Variants in ZNF277 observed in about 807,000 individuals in gnomAD.
ZNF277 encodes zinc finger protein 277, also known as nuclear receptor-interacting factor 4.
ZNF277 carries 55 observed loss-of-function variants against 60.7 expected under a neutral mutation model. The ratio of observed to expected loss-of-function variants is 0.91; its 90% CI spans 0.73 to 1.13. ZNF277 has a LOEUF of 1.13. ZNF277 is among the 50% of genes most tolerant of loss of function. The pLI, the probability that ZNF277 is intolerant of heterozygous loss-of-function variation, is 0.00. For missense variants in ZNF277, 510 were observed against 523.0 expected (o/e 0.98, Z 0.24); for synonymous variants, 178 against 179.3 (o/e 0.99, Z 0.06).
intron 4 of ZNF277, among the ~76,000 whole-genome samples, chr7:112,303,321 T>C (rs1249087268): frequency 2.6e-5 from 4 of 152,128 alleles, no homozygotes; most frequent in Non-Finnish European, 5.9e-5. Flanking sequence ...TAAATATGTA[T>C]GTAAATAAAT....
At chr7:112,336,262 T>A in intron 8 of ZNF277, 91 bp downstream of exon 8, 2 of 1,207,990 alleles carry the variant, frequency 1.7e-6, no homozygotes, top group South Asian at 1.6e-5. Context: ...AGCGGGAACA[T>A]AAGAAGAAAA....
intron 1 of ZNF277, among the ~76,000 whole-genome samples, chr7:112,211,631 T>C (rs901405618): frequency 3.3e-5 from 5 of 152,244 alleles, no homozygotes; most frequent in Admixed American, 3.3e-4. Context: ...AAAACAAATA[T>C]ATTCATGGAT....
chr7:112,261,630 A>T (rs563509478), intron 1 of ZNF277, among the ~76,000 whole-genome samples: 53 of 152,248 alleles, frequency 3.5e-4, no homozygotes, highest in Admixed American at 7.9e-4. Flanking sequence ...ACACCACATA[A>T]CATTTCACCC....
intron 6 of ZNF277, among the ~76,000 whole-genome samples, chr7:112,329,460 GCTA>G (rs1413593415): frequency 2.6e-5 from 4 of 152,140 alleles, no homozygotes; most frequent in African/African-American, 4.8e-5. Flanking sequence ...GGTAGTAACA[GCTA>G]CTATTTATCT....
At chr7:112,300,775 C>G (rs1380734664) in intron 4 of ZNF277, among the ~76,000 whole-genome samples, 1 of 152,116 alleles carries the variant, frequency 6.6e-6, no homozygotes, top group Non-Finnish European at 1.5e-5. Context: ...TTTGCCTGTT[C>G]TCCTTTTATT....
chr7:112,330,390 A>C, intron 7 of ZNF277, 174 bp downstream of exon 7: 1 of 640,364 alleles, frequency 1.6e-6, no homozygotes, highest in South Asian at 2.0e-5. Context: ...ATTTGATTTG[A>C]CTTGTCTTTT....
At chr7:112,236,547 ATGTCCTCATTAGTTAGTATTAAT>A (rs1362225319) in intron 1 of ZNF277, among the ~76,000 whole-genome samples, 1 of 152,096 alleles carries the variant, frequency 6.6e-6, no homozygotes, top group African/African-American at 2.4e-5. Context: ...GAGAGAAAAA[ATGTCCTCATTAGTTAGTATTAAT>A]GAAACACCCA....
intron 3 of ZNF277, 41 bp downstream of exon 3, chr7:112,295,998 A>G (rs775868394): frequency 4.9e-6 from 7 of 1,426,324 alleles, no homozygotes; most frequent in Non-Finnish European, 6.9e-6. Flanking sequence ...CCTACAGTAT[A>G]AAAATTCAAA....
At chr7:112,213,559 T>C (rs1450931046) in intron 1 of ZNF277, among the ~76,000 whole-genome samples, 1 of 152,228 alleles carries the variant, frequency 6.6e-6, no homozygotes, top group Non-Finnish European at 1.5e-5. Context: ...CTTTTATAGG[T>C]ATTATCTCAT....
chr7:112,214,747 A>C (rs894660121), intron 1 of ZNF277, among the ~76,000 whole-genome samples: 4 of 152,136 alleles, frequency 2.6e-5, no homozygotes, highest in Non-Finnish European at 5.9e-5. Flanking sequence ...AAAATATTTA[A>C]AATTTTATAG....
chr7:112,313,387 G>A (rs10224789), intron 4 of ZNF277, among the ~76,000 whole-genome samples: 15,118 of 151,234 alleles, frequency 0.1, 1,223 homozygotes, highest in African/African-American at 0.21. Context: ...TCAAGCGATC[G>A]TCCCACCTCA....
chr7:112,341,533 C>T (rs62473149), intron 11 of ZNF277, among the ~76,000 whole-genome samples: 1 of 150,024 alleles, frequency 6.7e-6, no homozygotes, highest in Non-Finnish European at 1.5e-5. Context: ...AAGCTGAACT[C>T]CTAGAAATAA....
At chr7:112,247,950 A>G (rs1276338538) in intron 1 of ZNF277, among the ~76,000 whole-genome samples, 1 of 135,762 alleles carries the variant, frequency 7.4e-6, no homozygotes, top group East Asian at 2.2e-4. Context: ...CCTGGGCAAC[A>G]AGATGAAACT....
At chr7:112,304,747 G>A (rs2117090676) in intron 4 of ZNF277, among the ~76,000 whole-genome samples, 1 of 152,244 alleles carries the variant, frequency 6.6e-6, no homozygotes, top group Non-Finnish European at 1.5e-5. Context: ...ATGGCAGACA[G>A]AACAAGAGGA....
chr7:112,250,225 G>A (rs1481960901), intron 1 of ZNF277, among the ~76,000 whole-genome samples: 1 of 152,040 alleles, frequency 6.6e-6, no homozygotes, highest in Admixed American at 6.6e-5. Flanking sequence ...CTCCCATAGC[G>A]CTCCCAGGCT....
At chr7:112,251,738 G>C (rs1199279694) in intron 1 of ZNF277, among the ~76,000 whole-genome samples, 1 of 152,190 alleles carries the variant, frequency 6.6e-6, no homozygotes, top group Non-Finnish European at 1.5e-5. Context: ...TCAGATGAAA[G>C]AGTGATTAGG....
At chr7:112,336,979 T>C (rs1032214558) in intron 8 of ZNF277, among the ~76,000 whole-genome samples, 23 of 152,154 alleles carry the variant, frequency 1.5e-4, no homozygotes, top group Admixed American at 1.2e-3. Flanking sequence ...TGTTTTCTAA[T>C]AGGGAAGCTT....
At chr7:112,222,758 ATTGAAGGATACAAAG>A (rs1822066914) in intron 1 of ZNF277, among the ~76,000 whole-genome samples, 1 of 152,102 alleles carries the variant, frequency 6.6e-6, no homozygotes, top group Non-Finnish European at 1.5e-5. Flanking sequence ...ACTTGATTGG[ATTGAAGGATACAAAG>A]TATTGATCCT....
chr7:112,217,268 T>C (rs979869480), intron 1 of ZNF277, among the ~76,000 whole-genome samples: 13 of 152,062 alleles, frequency 8.5e-5, no homozygotes, highest in African/African-American at 3.1e-4. Flanking sequence ...TATTTGGACA[T>C]GCAGAAACAA....
Sources: gnomAD v4.1 joint callset for allele counts (sites outside exome capture counted in the v4.1 genomes callset) on GRCh38, gnomAD v4.1.1 for gene constraint, MANE v1.5 for transcripts, NCBI Gene and HGNC (gene_info 2026-07-23, HGNC 2026-07-21) for gene names.